SYMPK: variants seen among roughly 807,000 people sequenced by gnomAD.
SYMPK encodes the protein symplekin scaffold protein.
SYMPK carries 49 observed loss-of-function variants against 136.4 expected under a neutral mutation model. That is an observed-to-expected ratio of 0.36 (90% CI 0.29 to 0.46). The LOEUF is 0.46. Among genes scored for constraint, SYMPK ranks in the 20% least tolerant of loss-of-function variants. The pLI, the probability that SYMPK is intolerant of heterozygous loss-of-function variation, is 1.00. For missense variants in SYMPK, 1,365 were observed against 1,690.0 expected, an observed-to-expected ratio of 0.81 and a Z score of 3.37; for synonymous variants, 766 against 713.0, an observed-to-expected ratio of 1.07 and a Z score of -1.19.
rs749784392 is a variant in SYMPK at position 45,848,734 on chromosome 19, G to A, written c.426+16C>T. ...ATATCAGGCAGGATGGCCCTGGGTG[G>A]GGAGGGCGCTCTCACCTGCAGGGCC... On this transcript the variant is annotated intron_variant, in intron 6 of 26. Coordinates refer to ENST00000245934, the MANE Select transcript of SYMPK (RefSeq NM_004819.3). The A allele has an allele frequency of 1.1e-5, 18 of 1,612,972 alleles. No individual in the cohort carries two copies. The highest frequency in any genetic ancestry group is 1.4e-5 in the Non-Finnish European group (16 of 1,179,972).
At chr19:45,845,135 T>TG (rs1484798617) in intron 7 of SYMPK, among the ~76,000 whole-genome samples, 1 of 151,410 alleles carries the variant, frequency 6.6e-6, no homozygotes, top group African/African-American at 2.4e-5. Context: ...TTCCCTGAGA[T>TG]GGGGTCTCAC....
rs113408293 is a variant in SYMPK, at chr19:45,851,901, T to TA, written c.299+410dup. Among the ~76,000 whole-genome samples, 163 of 146,454 alleles carry TA rather than the reference T, an allele frequency of 1.1e-3. 1 individual carries two copies. In the East Asian group the frequency reaches 0.015, roughly 14 times the overall value. ...CAAAACAAACAAACAAACAAAAGAT[T>TA]AAAAAAAAAAGCTAATTTTGTTATA... On this transcript the variant is annotated intron_variant, in intron 5 of 26. Coordinates refer to ENST00000245934, the MANE Select transcript of SYMPK (RefSeq NM_004819.3).
At chr19:45,848,706 G>A (rs376934396) in intron 6 of SYMPK, 44 bp downstream of exon 6, 17 of 1,610,842 alleles carry the variant, frequency 1.1e-5, no homozygotes, top group Non-Finnish European at 1.4e-5. Context: ...TTGTCAACGA[G>A]ACATATCAGG....
intron 18 of SYMPK, 71 bp downstream of exon 18, chr19:45,825,100 G>T: frequency 1.3e-6 from 2 of 1,554,838 alleles, no homozygotes; most frequent in Admixed American, 3.5e-5. Context: ...GAGCAGGTTG[G>T]GGAAGAGCTG....
In SYMPK at chr19:45,854,257, T is replaced by C. The variant is rs1971765624; in HGVS notation, c.106-17A>G. ...ATCCACCACCTGGAAGGAGGGGGAG[T>C]GGCAGGGGATAGTGCCAGCCCAGTC... is the stretch of plus-strand genomic sequence containing the variant. On this transcript the variant is annotated splice_polypyrimidine_tract_variant and intron_variant, in intron 2 of 26. Transcript: ENST00000245934. The C allele has an allele frequency of 2.5e-6, 4 of 1,613,136 alleles. No individual in the cohort carries two copies. The highest frequency in any genetic ancestry group is 3.4e-6 in the Non-Finnish European group (4 of 1,179,760).
chr19:45,819,354 G>A (rs1363051418), intron 22 of SYMPK: 2 of 152,472 alleles, frequency 1.3e-5, no homozygotes, highest in South Asian at 2.1e-4. Flanking sequence ...CAGGCCCCAG[G>A]GGCACCTTTC....
At chr19:45,834,902 T>G (rs1253658172) in intron 11 of SYMPK, among the ~76,000 whole-genome samples, 176 bp downstream of exon 11, 1 of 152,220 alleles carries the variant, frequency 6.6e-6, no homozygotes, top group African/African-American at 2.4e-5. Context: ...TCTGTTGGAT[T>G]CCAAAGCCCA....
chr19:45,842,200 T>C lies in SYMPK; in HGVS notation c.1087+50A>G, dbSNP rs548217514. 22 of 1,609,712 alleles carry C rather than the reference T, an allele frequency of 1.4e-5. No homozygotes were observed. In the East Asian group the frequency reaches 2.7e-4, roughly 20 times the overall value. On this transcript the variant is annotated intron_variant, in intron 9 of 26. Transcript: ENST00000245934. Reference sequence around the variant, plus strand: ...ATTCAGCATAGTTTAAGGTAAATAATGAAACATTTCAGCATGGTCTGCCTG... The same window carrying C: ...ATTCAGCATAGTTTAAGGTAAATAACGAAACATTTCAGCATGGTCTGCCTG...
Position 45,829,114 on chromosome 19 carries a change from G to C in SYMPK, c.1841C>G (p.Ala614Gly), listed in dbSNP as rs747691806. The C allele has an allele frequency of 1.2e-6, 2 of 1,614,206 alleles. No individual in the cohort carries two copies. The highest frequency in any genetic ancestry group is 1.7e-6 in the Non-Finnish European group (2 of 1,180,040). ...CCAGGCGAAGGCCAGGTCCAGGCGG[G>C]CCCGCACATCCTCCAGGATGAAGGA... is the stretch of plus-strand genomic sequence containing the variant. Reference protein sequence around the residue: ...VLSFILEDVRARLDLAFAWLY... With the variant: ...VLSFILEDVRGRLDLAFAWLY... Residue 614 changes from alanine (A) to glycine (G), a missense_variant, in exon 14 of 27, where the codon GCC becomes GGC. Ala to Gly is a moderately conservative substitution (Grantham distance 60, BLOSUM62 0). Transcript: ENST00000245934.
chr19:45,846,653 A>G (rs1971567842), intron 7 of SYMPK, among the ~76,000 whole-genome samples: 1 of 152,308 alleles, frequency 6.6e-6, no homozygotes, highest in African/African-American at 2.4e-5. Context: ...GCATATACAC[A>G]TACAAATACC....
intron 11 of SYMPK, 88 bp downstream of exon 11, chr19:45,834,990 C>T: frequency 1.4e-5 from 18 of 1,282,666 alleles, no homozygotes; most frequent in Non-Finnish European, 1.9e-5. Flanking sequence ...TTTTCAACTG[C>T]ACCACGAGAA....
At chr19:45,816,228 C>A (rs551122271) in intron 25 of SYMPK, 45 bp from the exon 26 acceptor site, 1 of 1,369,304 alleles carries the variant, frequency 7.3e-7, no homozygotes, top group East Asian at 2.5e-5. Flanking sequence ...GTGGGTGGCT[C>A]AGAGGACGGC....
At position 45,827,498 on chromosome 19, in the gene SYMPK, G is replaced by A; in HGVS notation, c.2181+12C>T. On this transcript the variant is annotated intron_variant, in intron 16 of 26. Transcript: ENST00000245934. ...AGGCTGAGGGCAGCCAGGAAGTGGA[G>A]GAGGGGATCACCTTGTCCTTCTCAT... 1.9e-6 allele frequency: 3 copies of A among 1,606,196 alleles called. No individual in the cohort carries two copies. The highest frequency in any genetic ancestry group is 1.1e-5 in the South Asian group (1 of 90,902).
chr19:45,822,798 C>T lies in SYMPK; in HGVS notation c.2749G>A (p.Val917Met). Reference sequence around the variant, plus strand: ...AGGCGGTTGAAGACTTCCTTCACCACGATGGGGTTGAGTTTGATGAGTTTA... The same window carrying T: ...AGGCGGTTGAAGACTTCCTTCACCATGATGGGGTTGAGTTTGATGAGTTTA... ...LPKLIKLNPI[V>M]VKEVFNRLLG... is the part of the protein sequence containing the mutation. Residue 917 changes from valine to methionine, a missense_variant, in exon 21 of 27, where the codon GTG becomes ATG. Coordinates refer to ENST00000245934, the MANE Select transcript of SYMPK (RefSeq NM_004819.3). 1 of 1,614,002 alleles carries T rather than the reference C, an allele frequency of 6.2e-7. No individual in the cohort carries two copies. Among genetic ancestry groups the T allele is most frequent in the Non-Finnish European group, 8.5e-7 (1 of 1,179,984 alleles).
At chr19:45,831,758 C>T (rs754319042) in intron 11 of SYMPK, among the ~76,000 whole-genome samples, 170 bp from the exon 12 acceptor site, 3 of 152,194 alleles carry the variant, frequency 2.0e-5, no homozygotes, top group Non-Finnish European at 4.4e-5. Context: ...CTTTTCAATA[C>T]AACTGAGGCT....
At chr19:45,844,775 G>C (rs1417253606) in intron 7 of SYMPK, among the ~76,000 whole-genome samples, 2 of 152,108 alleles carry the variant, frequency 1.3e-5, no homozygotes, top group African/African-American at 2.4e-5. Flanking sequence ...AAAGTCCCTT[G>C]TGACACCACT....
chr19:45,822,485 C>A (rs979267609), intron 21 of SYMPK, among the ~76,000 whole-genome samples: 1 of 152,148 alleles, frequency 6.6e-6, no homozygotes, highest in Non-Finnish European at 1.5e-5. Flanking sequence ...CTGAGAGGGG[C>A]TGGTGTGTGG....
At chr19:45,859,296 T>TAAAAAAAAAATCTTTA (rs1971905051) in intron 1 of SYMPK, among the ~76,000 whole-genome samples, 1 of 134,466 alleles carries the variant, frequency 7.4e-6, no homozygotes, top group Non-Finnish European at 1.6e-5. Context: ...GACAAGTCTT[T>TAAAAAAAAAATCTTTA]AAAAAAAAAA....
intron 19 of SYMPK, 57 bp from the exon 20 acceptor site, chr19:45,823,529 G>A: frequency 6.5e-7 from 1 of 1,529,884 alleles, no homozygotes; most frequent in Non-Finnish European, 9.0e-7. Flanking sequence ...GTGGGAAAGG[G>A]TGGGCACCCA....
Sources: gnomAD v4.1 joint callset for allele counts (sites outside exome capture counted in the v4.1 genomes callset) on GRCh38, gnomAD v4.1.1 for gene constraint, MANE v1.5 for transcripts, NCBI Gene and HGNC (gene_info 2026-07-23, HGNC 2026-07-21) for gene names.